MADD: variants seen among roughly 807,000 people sequenced by gnomAD.
The protein encoded by MADD is MAP kinase activating death domain.
Under a neutral mutation model 176.7 loss-of-function variants are expected in MADD, and 109 were observed. That is an observed-to-expected ratio of 0.62 (90% CI 0.53 to 0.72). The LOEUF is 0.72. MADD is among the 30% of genes least tolerant of loss of function. The probability of loss-of-function intolerance (pLI) is 0.00; values close to 1 mark genes in which losing one functional copy is unlikely to be tolerated. For missense variants in MADD, 1,914 were observed against 2,045.5 expected (o/e 0.94, Z 1.24); for synonymous variants, 771 against 771.3 (o/e 1.00, Z 0.01).
intron 6 of MADD, 25 bp from the exon 7 acceptor site, chr11:47,278,974 G>A (rs755179276): frequency 2.7e-5 from 44 of 1,607,566 alleles, no homozygotes; most frequent in East Asian, 1.3e-4. Context: ...CTAAGGTCAC[G>A]TCTTTTATCA....
At chr11:47,274,450 G>C in intron 2 of MADD, 113 bp from the exon 3 acceptor site, 1 of 880,170 alleles carries the variant, frequency 1.1e-6, no homozygotes, top group South Asian at 1.6e-5. Context: ...AGGTGTTACA[G>C]TCAGGTTACT....
chr11:47,324,740 C>G (rs1293373503), intron 30 of MADD, 163 bp downstream of exon 33: 1 of 711,336 alleles, frequency 1.4e-6, no homozygotes, highest in Non-Finnish European at 2.5e-6. Context: ...GGGGAGGGCA[C>G]AGTGACGTTG....
At chr11:47,327,912 T>C in intron 31 of MADD, 1 of 985,380 alleles carries the variant, frequency 1.0e-6, no homozygotes, top group Non-Finnish European at 1.2e-6. Context: ...AACCCCTGCA[T>C]GGCTGGAGCG....
At chr11:47,283,479 G>T (rs2058506653) in intron 10 of MADD, among the ~76,000 whole-genome samples, 1 of 151,982 alleles carries the variant, frequency 6.6e-6, no homozygotes, top group South Asian at 2.1e-4. Flanking sequence ...TCAGCTCACT[G>T]CAAGTTCTCC....
At chr11:47,309,086 G>T in intron 23 of MADD, 44 bp downstream of exon 26, 1 of 1,606,672 alleles carries the variant, frequency 6.2e-7, no homozygotes, top group Non-Finnish European at 8.5e-7. Flanking sequence ...CTCCTCCTTG[G>T]GAGGGACTGG....
chr11:47,328,773 G>A (rs1404872843), intron 32 of MADD, 69 bp downstream of exon 36: 15 of 1,600,290 alleles, frequency 9.4e-6, no homozygotes, highest in Non-Finnish European at 1.2e-5. Context: ...CGGACAGGAG[G>A]AGGGGAGGGC....
Position 47,274,079 on chromosome 11 carries a change from TCTC to T in MADD, c.62+106_62+108del, listed in dbSNP as rs1188883137. ...CCATGTTGCTTTGCATAGCTCATCT[TCTC>T]CTGTTATTTTACCCTGATGGGAGCA... On this transcript the variant is annotated intron_variant, in intron 2 of 32. Transcript: ENST00000402192. The T allele has an allele frequency of 3.6e-6, 4 of 1,101,112 alleles. No homozygotes were observed. In the African/African-American group the frequency reaches 4.6e-5, roughly 13 times the overall value. The allele number at this position is 1,101,112 out of a possible 1,614,324, so 68.2% of individuals were successfully genotyped here.
Position 47,293,390 on chromosome 11 carries a change from C to T in MADD, c.3302-493C>T, listed in dbSNP as rs141689700. ...GATCTTGCCTCACTGCAACCTCTGC[C>T]TCCAGGGCTCAAGCAATTGTCGTGC... On this transcript the variant is annotated intron_variant, in intron 19 of 32. Coordinates refer to ENST00000402192, the Ensembl canonical transcript of MADD. Among the ~76,000 whole-genome samples the T allele has an allele frequency of 1.7e-3, 251 of 151,946 alleles. 1 individual carries two copies. The highest frequency in any genetic ancestry group is 3.1e-3 in the South Asian group (15 of 4,814).
intron 27 of MADD, 151 bp downstream of exon 30, chr11:47,315,478 C>T (rs886488789): frequency 5.9e-5 from 31 of 522,658 alleles, no homozygotes; most frequent in African/African-American, 3.9e-4. Flanking sequence ...TTGTTTTTTG[C>T]GTGTGTGTTT....
chr11:47,285,602 C>T lies in MADD; in HGVS notation c.2551+12C>T, dbSNP rs776910349. 13 of 1,613,942 alleles carry T rather than the reference C, an allele frequency of 8.1e-6. No individual in the cohort carries two copies. The highest frequency in any genetic ancestry group is 3.3e-5 in the Admixed American group (2 of 60,024). The stretch of plus-strand genomic sequence containing the variant: ...CATGTCTTTTGCCAGTAAGTGCCTT[C>T]AGCTGTCTCTCTCACTCCTGTGTTC... On this transcript the variant is annotated intron_variant, in intron 14 of 32. Coordinates refer to ENST00000402192, the Ensembl canonical transcript of MADD.
At chr11:47,278,216 C>T (rs2052446500) in exon 6 of MADD, 2 of 1,614,014 alleles carry the variant, frequency 1.2e-6, no homozygotes, top group African/African-American at 1.3e-5. Flanking sequence ...CAGCTTCTTC[C>T]TCTACAAACT....
At chr11:47,275,925 G>T in exon 4 of MADD, 1 of 1,612,010 alleles carries the variant, frequency 6.2e-7, no homozygotes, top group South Asian at 1.1e-5. Flanking sequence ...ATCTTTACTG[G>T]ATCGCTGCTG....
At chr11:47,273,913 C>T (rs766428512) in exon 2 of MADD, 23 of 1,613,668 alleles carry the variant, frequency 1.4e-5, no homozygotes, top group Non-Finnish European at 1.7e-5. Flanking sequence ...TGAATTGGAA[C>T]CATGGTGCAA....
intron 14 of MADD, among the ~76,000 whole-genome samples, chr11:47,285,951 C>T (rs1044199517): frequency 1.4e-4 from 22 of 152,332 alleles, no homozygotes; most frequent in African/African-American, 5.3e-4. Context: ...ATAACGGACT[C>T]TTCCATGAAT....
intron 19 of MADD, among the ~76,000 whole-genome samples, chr11:47,292,088 T>A (rs2065826586): frequency 4.6e-5 from 7 of 152,202 alleles, no homozygotes; most frequent in Admixed American, 4.6e-4. Context: ...CTTCTGAAAC[T>A]CTGGCTGCTT....
intron 14 of MADD, 137 bp from the exon 15 acceptor site, chr11:47,286,292 AAGAC>A: frequency 1.5e-6 from 1 of 684,694 alleles, no homozygotes; most frequent in South Asian, 1.7e-5. Context: ...GATCCTTTCT[AAGAC>A]AGATCAGAGA....
intron 27 of MADD, among the ~76,000 whole-genome samples, chr11:47,322,335 T>C (rs2094594502): frequency 6.6e-6 from 1 of 152,130 alleles, no homozygotes; most frequent in Admixed American, 6.6e-5. Context: ...TGGCTGCGCA[T>C]GGTGGCTCAC....
chr11:47,288,789 A>C (rs924703663), intron 15 of MADD, among the ~76,000 whole-genome samples, 179 bp from the exon 16 acceptor site: 1 of 152,128 alleles, frequency 6.6e-6, no homozygotes, highest in African/African-American at 2.4e-5. Flanking sequence ...GTCTTTTCTT[A>C]GAGCCTTGGT....
chr11:47,269,427 C>T (rs1013459600), upstream of MADD: 3 of 152,410 alleles, frequency 2.0e-5, no homozygotes, highest in African/African-American at 7.2e-5. Context: ...GTGTAGCATG[C>T]CTTGGTTTTT....
Sources: allele counts gnomAD v4.1 joint callset (sites outside exome capture counted in the v4.1 genomes callset), GRCh38; gene constraint gnomAD v4.1.1; transcripts MANE v1.5; gene names NCBI Gene and HGNC (gene_info 2026-07-23, HGNC 2026-07-21).